BMPER: variants seen among roughly 807,000 people sequenced by gnomAD.
The protein encoded by BMPER is BMP-binding endothelial regulator protein.
In BMPER, 45 loss-of-function variants were observed where a neutral mutation model predicts 87.3. The ratio of observed to expected loss-of-function variants is 0.52; its 90% confidence interval spans 0.41 to 0.66. The LOEUF (loss-of-function observed/expected upper bound fraction) is 0.66. Among genes scored for constraint, BMPER ranks in the 30% least tolerant of loss-of-function variants. The pLI is 0.00. For missense variants in BMPER, 784 were observed against 867.5 expected, an observed-to-expected ratio of 0.90 and a Z score of 1.21; for synonymous variants, 326 against 316.2, an observed-to-expected ratio of 1.03 and a Z score of -0.33.
chr7:34,103,855 C>A (rs1326656502), intron 13 of BMPER, among the ~76,000 whole-genome samples: 1 of 152,178 alleles, frequency 6.6e-6, no homozygotes, highest in Non-Finnish European at 1.5e-5. Context: ...GTCAAGCTCA[C>A]CCTGGAGGTG....
At chr7:33,948,788 A>G (rs1305794820) in intron 3 of BMPER, among the ~76,000 whole-genome samples, 1 of 150,802 alleles carries the variant, frequency 6.6e-6, no homozygotes, top group Non-Finnish European at 1.5e-5. Flanking sequence ...GTGAATTAAA[A>G]CTCTTTTCTT....
intron 6 of BMPER, among the ~76,000 whole-genome samples, chr7:34,031,697 A>G (rs890727729): frequency 6.6e-6 from 1 of 151,702 alleles, no homozygotes; most frequent in African/African-American, 2.4e-5. Flanking sequence ...TTAATTGATA[A>G]CACTTATAGA....
intron 13 of BMPER, among the ~76,000 whole-genome samples, chr7:34,136,027 T>C (rs186300724): frequency 1.3e-5 from 2 of 152,336 alleles, no homozygotes; most frequent in East Asian, 3.9e-4. Context: ...TGCCTGGACT[T>C]GCTGTTCTGT....
intron 13 of BMPER, among the ~76,000 whole-genome samples, chr7:34,141,603 A>C (rs10258201): frequency 7.8e-6 from 1 of 128,340 alleles, no homozygotes; most frequent in Non-Finnish European, 1.6e-5. Flanking sequence ...AGAGTGAAAC[A>C]CCATCTCAAA....
chr7:34,146,842 A>T (rs1791039297), intron 14 of BMPER, among the ~76,000 whole-genome samples: 1 of 152,220 alleles, frequency 6.6e-6, no homozygotes, highest in African/African-American at 2.4e-5. Flanking sequence ...GTGTCAACTA[A>T]TTCATCCAAA....
intron 11 of BMPER, among the ~76,000 whole-genome samples, chr7:34,075,009 T>C (rs925935432): frequency 2.8e-5 from 4 of 144,272 alleles, no homozygotes; most frequent in Admixed American, 7.0e-5. Context: ...CAGTTTCTCT[T>C]ATTTTTTTTT....
intron 11 of BMPER, among the ~76,000 whole-genome samples, chr7:34,063,050 T>G (rs1278316475): frequency 6.6e-6 from 1 of 152,228 alleles, no homozygotes; most frequent in Non-Finnish European, 1.5e-5. Flanking sequence ...ATTAGCAAAC[T>G]GCCATTTTAG....
chr7:34,090,413 C>T (rs1349532950), intron 13 of BMPER, among the ~76,000 whole-genome samples: 1 of 152,140 alleles, frequency 6.6e-6, no homozygotes, highest in Non-Finnish European at 1.5e-5. Flanking sequence ...CATATTGCTT[C>T]TCCCTTCATG....
At chr7:33,969,986 G>A (rs1785498360) in intron 4 of BMPER, among the ~76,000 whole-genome samples, 1 of 152,176 alleles carries the variant, frequency 6.6e-6, no homozygotes, top group African/African-American at 2.4e-5. Context: ...CAGGAAGTGT[G>A]GAAAACCTAA....
chr7:33,956,843 A>G (rs10282602), intron 3 of BMPER, among the ~76,000 whole-genome samples: 44,482 of 152,170 alleles, frequency 0.29, 6,614 homozygotes, highest in Middle Eastern at 0.43. Flanking sequence ...GCTTCTGGTC[A>G]GCAGTAGGCT....
intron 2 of BMPER, among the ~76,000 whole-genome samples, chr7:33,909,693 A>AAAAAAAAAAAG (rs10655768): frequency 3.6e-5 from 5 of 138,920 alleles, no homozygotes; most frequent in South Asian, 4.4e-4. Flanking sequence ...AAAAAAAAAA[A>AAAAAAAAAAAG]AAAGAAAGAA....
intron 3 of BMPER, among the ~76,000 whole-genome samples, chr7:33,960,025 A>G (rs1785230749): frequency 6.6e-6 from 1 of 152,234 alleles, no homozygotes; most frequent in African/African-American, 2.4e-5. Flanking sequence ...ATAGCTTTCT[A>G]TCATTTTTTC....
At position 34,155,651 on chromosome 7, in the gene BMPER, A is replaced by C. The variant is rs1791288748; in HGVS notation, c.*2378A>C. 6.6e-6 allele frequency: 1 copy of C among 152,144 alleles called. No homozygotes were observed. Among genetic ancestry groups the C allele is most frequent in the Non-Finnish European group, 1.5e-5 (1 of 68,018 alleles). The allele number at this position is 152,144 out of a possible 1,614,324, so 9.4% of individuals were successfully genotyped here. A position where few individuals can be genotyped will look rare whatever the true frequency, so the allele number is the denominator to read the frequency against. The stretch of plus-strand genomic sequence containing the variant: ...TTCAAAGAGCCATCTCTGATGGGAG[A>C]GGGTGAGGAAATCAGCTGAATGGTT... On this transcript the variant is annotated 3_prime_UTR_variant, in exon 15 of 15. Coordinates refer to ENST00000649409, the MANE Select transcript of BMPER (RefSeq NM_001365308.1).
At chr7:34,022,901 A>G (rs1787234511) in intron 6 of BMPER, among the ~76,000 whole-genome samples, 1 of 151,926 alleles carries the variant, frequency 6.6e-6, no homozygotes. Flanking sequence ...TAAAAAGTGG[A>G]CAGTAACATA....
At chr7:34,072,355 G>A (rs1048332195) in intron 11 of BMPER, among the ~76,000 whole-genome samples, 1 of 152,112 alleles carries the variant, frequency 6.6e-6, no homozygotes, top group African/African-American at 2.4e-5. Flanking sequence ...GAGGTCAGAA[G>A]TCTGAAAAGG....
At chr7:34,103,098 G>C (rs1789725378) in intron 13 of BMPER, among the ~76,000 whole-genome samples, 1 of 152,134 alleles carries the variant, frequency 6.6e-6, no homozygotes, top group Non-Finnish European at 1.5e-5. Context: ...AGAGTGGAAG[G>C]GCAGATACAA....
chr7:33,938,040 C>A (rs1562641425), intron 3 of BMPER, among the ~76,000 whole-genome samples: 1 of 152,166 alleles, frequency 6.6e-6, no homozygotes, highest in Non-Finnish European at 1.5e-5. Flanking sequence ...AGGTGCTCAG[C>A]CCTCATCTGC....
At chr7:34,024,888 G>T (rs1787314052) in intron 6 of BMPER, among the ~76,000 whole-genome samples, 1 of 152,020 alleles carries the variant, frequency 6.6e-6, no homozygotes, top group Non-Finnish European at 1.5e-5. Flanking sequence ...GAGTGACTTG[G>T]ATAATTCTGA....
At chr7:34,011,419 A>C (rs1786870997) in intron 6 of BMPER, among the ~76,000 whole-genome samples, 2 of 151,740 alleles carry the variant, frequency 1.3e-5, no homozygotes, top group African/African-American at 4.8e-5. Flanking sequence ...TATCACTGGA[A>C]GGAAATAAAA....
Sources: allele counts gnomAD v4.1 joint callset (sites outside exome capture counted in the v4.1 genomes callset), GRCh38; gene constraint gnomAD v4.1.1; transcripts MANE v1.5; gene names NCBI Gene and HGNC (gene_info 2026-07-23, HGNC 2026-07-21).